Variants in PRORP observed in about 807,000 individuals in gnomAD.
PRORP encodes protein only RNase P catalytic subunit.
Under a neutral mutation model 59.4 loss-of-function variants are expected in PRORP, and 51 were observed. The observed-to-expected ratio is 0.86, with a 90% confidence interval of 0.69 to 1.08. The LOEUF is 1.08. Among genes scored for constraint, PRORP ranks in the 50% least tolerant of loss-of-function variants. The pLI is 0.00. For synonymous variants in PRORP, 231 were observed against 245.6 expected (o/e 0.94, Z 0.55); for missense variants, 646 against 690.3 (o/e 0.94, Z 0.72).
chr14:35,249,445 C>G (rs2050560645), intron 5 of PRORP, among the ~76,000 whole-genome samples: 1 of 151,986 alleles, frequency 6.6e-6, no homozygotes, highest in Admixed American at 6.6e-5. Context: ...AAAAATTAGC[C>G]AAGTACGATA....
intron 5 of PRORP, among the ~76,000 whole-genome samples, chr14:35,226,482 A>G (rs1224306322): frequency 6.6e-6 from 1 of 152,208 alleles, no homozygotes; most frequent in Non-Finnish European, 1.5e-5. Flanking sequence ...TTAGACTTTG[A>G]TAATCAGATT....
At chr14:35,171,091 C>T (rs561952225) in intron 4 of PRORP, among the ~76,000 whole-genome samples, 6 of 152,148 alleles carry the variant, frequency 3.9e-5, no homozygotes, top group Non-Finnish European at 8.8e-5. Context: ...TCAGGTGATC[C>T]ACCCACCTCG....
At chr14:35,164,684 C>CT (rs1467729938) in intron 4 of PRORP, among the ~76,000 whole-genome samples, 1 of 152,150 alleles carries the variant, frequency 6.6e-6, no homozygotes, top group Non-Finnish European at 1.5e-5. Context: ...ACTGTGTTCA[C>CT]TACCTGGGTA....
chr14:35,264,772 G>C (rs1343530988), intron 5 of PRORP, among the ~76,000 whole-genome samples: 1 of 152,206 alleles, frequency 6.6e-6, no homozygotes, highest in East Asian at 1.9e-4. Context: ...AAGGTCAGGA[G>C]TTCCAGACCA....
At chr14:35,179,084 C>T (rs2048530687) in intron 4 of PRORP, among the ~76,000 whole-genome samples, 2 of 152,222 alleles carry the variant, frequency 1.3e-5, no homozygotes, top group Admixed American at 1.3e-4. Context: ...TCTCTTCTGG[C>T]TTGTAGAGTT....
At chr14:35,197,389 A>G (rs940638162) in intron 5 of PRORP, among the ~76,000 whole-genome samples, 6 of 152,216 alleles carry the variant, frequency 3.9e-5, no homozygotes, top group African/African-American at 1.4e-4. Context: ...AGTGAGTAGT[A>G]AATTTACTTA....
chr14:35,189,882 G>A (rs1253075921), intron 5 of PRORP, among the ~76,000 whole-genome samples: 6 of 152,032 alleles, frequency 3.9e-5, no homozygotes, highest in Middle Eastern at 3.2e-3. Flanking sequence ...AGGCTGTGGC[G>A]GGTGGATCAA....
At chr14:35,153,351 C>G (rs1410920219) in intron 4 of PRORP, among the ~76,000 whole-genome samples, 1 of 152,206 alleles carries the variant, frequency 6.6e-6, no homozygotes, top group East Asian at 1.9e-4. Context: ...TACAGTCCAG[C>G]TTCAGCTCCG....
intron 5 of PRORP, among the ~76,000 whole-genome samples, chr14:35,244,081 A>G (rs1051098208): frequency 4.6e-5 from 7 of 152,166 alleles, no homozygotes; most frequent in Admixed American, 2.0e-4. Context: ...CCTCACATCA[A>G]TCCCCATTAT....
rs2051245840 is a variant in PRORP, at chr14:35,273,423, T to C, written c.1621-12T>C. On this transcript the variant is annotated splice_polypyrimidine_tract_variant and intron_variant, in intron 7 of 7. Coordinates refer to ENST00000534898, the MANE Select transcript of PRORP (RefSeq NM_014672.4). Reference sequence around the variant, plus strand: ...TTGTTCTCAATGTTTTGTTCTCTTTTTAATTCAACAGCGTATTCTCAGCTA... The same window carrying C: ...TTGTTCTCAATGTTTTGTTCTCTTTCTAATTCAACAGCGTATTCTCAGCTA... 2 of 1,598,244 alleles carry C rather than the reference T, an allele frequency of 1.3e-6. No individual in the cohort carries two copies. The highest frequency in any genetic ancestry group is 2.3e-5 in the South Asian group (2 of 87,750).
In PRORP at chr14:35,274,367, A is replaced by G. The variant is rs1884715; in HGVS notation, c.*801A>G. ...GCTGTCTCACTCTGTTGACAAGACTAGTCTCCAACCCCTGGCCTCAGTCGA... is the reference window on the plus strand; with the variant it reads ...GCTGTCTCACTCTGTTGACAAGACTGGTCTCCAACCCCTGGCCTCAGTCGA... On this transcript the variant is annotated 3_prime_UTR_variant, in exon 8 of 8. Coordinates refer to ENST00000534898, the MANE Select transcript of PRORP (RefSeq NM_014672.4). The G allele has an allele frequency of 0.25, 37,685 of 148,654 alleles. 6,112 individuals carry two copies. The highest frequency in any genetic ancestry group is 0.46 in the African/African-American group (18,610 of 40,240). The allele number at this position is 148,654 out of a possible 1,614,324, so 9.2% of individuals were successfully genotyped here.
At position 35,230,344 on chromosome 14, in the gene PRORP, G is replaced by A. The variant is rs139406212; in HGVS notation, c.1276-36383G>A. On this transcript the variant is annotated intron_variant, in intron 5 of 7. Coordinates refer to ENST00000534898, the MANE Select transcript of PRORP (RefSeq NM_014672.4). ...TGGGATTACAGGCGTGAGCCACCAC[G>A]CCCAACCCATTACTGTAAATTCTGA... Among the ~76,000 whole-genome samples, 141 of 152,294 alleles carry A rather than the reference G, an allele frequency of 9.3e-4. 1 individual carries two copies. Among genetic ancestry groups the A allele is most frequent in the Non-Finnish European group, 1.3e-3 (89 of 68,024 alleles).
intron 4 of PRORP, among the ~76,000 whole-genome samples, chr14:35,168,093 T>G (rs551456392): frequency 5.9e-5 from 9 of 152,358 alleles, no homozygotes; most frequent in African/African-American, 2.2e-4. Flanking sequence ...TAAGTCTTTG[T>G]GTGGGTGTGT....
At chr14:35,143,172 C>T (rs1026771680) in intron 4 of PRORP, among the ~76,000 whole-genome samples, 4 of 145,726 alleles carry the variant, frequency 2.7e-5, no homozygotes, top group African/African-American at 9.7e-5. Context: ...TTGTTTTAAG[C>T]GAGACAGTCT....
At chr14:35,169,332 G>A (rs1041355806) in intron 4 of PRORP, among the ~76,000 whole-genome samples, 1 of 152,054 alleles carries the variant, frequency 6.6e-6, no homozygotes, top group African/African-American at 2.4e-5. Context: ...ATATGTGTGT[G>A]TATGTGTGTA....
chr14:35,152,586 G>T (rs1346991006), intron 4 of PRORP, among the ~76,000 whole-genome samples: 1 of 151,738 alleles, frequency 6.6e-6, no homozygotes, highest in Non-Finnish European at 1.5e-5. Context: ...CGGACGGGGC[G>T]GCTGGCCGGG....
chr14:35,175,109 A>G (rs1595243085), intron 4 of PRORP, among the ~76,000 whole-genome samples: 1 of 151,958 alleles, frequency 6.6e-6, no homozygotes, highest in Non-Finnish European at 1.5e-5. Flanking sequence ...TCCATGGTGT[A>G]TATGTGCCAC....
intron 4 of PRORP, among the ~76,000 whole-genome samples, chr14:35,157,545 A>T (rs761246445): frequency 3.3e-5 from 5 of 152,158 alleles, no homozygotes; most frequent in Non-Finnish European, 7.4e-5. Context: ...ACCCGCTGCC[A>T]CACCCAGCTA....
chr14:35,225,588 C>A lies in PRORP; in HGVS notation c.1276-41139C>A, dbSNP rs189975913. On this transcript the variant is annotated intron_variant, in intron 5 of 7. Coordinates refer to ENST00000534898, the MANE Select transcript of PRORP (RefSeq NM_014672.4). ...TCTCGAACTCCTGAGCTCAGGTGAT[C>A]CACCCACCTTGGCCTCCCAAAGTGC... Among the ~76,000 whole-genome samples the A allele has an allele frequency of 2.7e-4, 41 of 152,194 alleles. No individual in the cohort carries two copies. In the East Asian group the frequency reaches 7.8e-3, roughly 29 times the overall value.
Sources: gnomAD v4.1 joint callset for allele counts (sites outside exome capture counted in the v4.1 genomes callset) on GRCh38, gnomAD v4.1.1 for gene constraint, MANE v1.5 for transcripts, NCBI Gene and HGNC (gene_info 2026-07-23, HGNC 2026-07-21) for gene names.